PDXDC1: variants seen among roughly 807,000 people sequenced by gnomAD.
The protein encoded by PDXDC1 is pyridoxal-dependent decarboxylase domain-containing protein 1.
Under a neutral mutation model 100.1 loss-of-function variants are expected in PDXDC1, and 42 were observed. The observed-to-expected ratio is 0.42, with a 90% CI of 0.33 to 0.54. The LOEUF (loss-of-function observed/expected upper bound fraction) is 0.54, where lower values mean the gene tolerates loss of function less well. PDXDC1 is among the 20% of genes least tolerant of loss of function. The pLI is 0.10. For missense variants in PDXDC1, 636 were observed against 979.2 expected, an observed-to-expected ratio of 0.65 and a Z score of 4.68; for synonymous variants, 260 against 371.7, an observed-to-expected ratio of 0.70 and a Z score of 3.46.
At chr16:15,047,848 A>G in intron 16 of PDXDC1, 1 of 1,608,812 alleles carries the variant, frequency 6.2e-7, no homozygotes, top group Non-Finnish European at 8.5e-7. Flanking sequence ...CACCTCTCTC[A>G]TCATACCTGT....
intron 16 of PDXDC1, chr16:15,076,718 G>C: frequency 8.9e-7 from 1 of 1,123,688 alleles, no homozygotes; most frequent in Non-Finnish European, 1.3e-6. Flanking sequence ...TTTTGGGATG[G>C]AAATTCATCT....
At chr16:15,064,440 G>A (rs2044866466) in intron 16 of PDXDC1, among the ~76,000 whole-genome samples, 1 of 152,144 alleles carries the variant, frequency 6.6e-6, no homozygotes, top group Admixed American at 6.5e-5. Flanking sequence ...CTCCCAAAGT[G>A]CTGGGATTAC....
rs1353848311 is a variant in PDXDC1 at position 15,037,589 on chromosome 16, T to TTA, written c.*1322_*1323dup. ...TCACCTTCAAGAAAATTACATGTTT[T>TTA]TATATATATTTGGAATTGTTAAATT... On this transcript the variant is annotated 3_prime_UTR_variant, in exon 23 of 23. Transcript: ENST00000396410. 1.3e-5 allele frequency: 2 copies of TTA among 154,146 alleles called. No individual in the cohort carries two copies. Among genetic ancestry groups the TTA allele is most frequent in the East Asian group, 1.9e-4 (1 of 5,224 alleles). 9.5% of individuals were successfully genotyped at this position (154,146 alleles called of 1,614,324 possible).
intron 16 of PDXDC1, chr16:15,094,402 C>G (rs2046275174): frequency 1.6e-6 from 1 of 643,204 alleles, no homozygotes; most frequent in Non-Finnish European, 2.7e-6. Flanking sequence ...GAAACCCGCT[C>G]CTCGTTCTAC....
intron 16 of PDXDC1, among the ~76,000 whole-genome samples, chr16:15,126,232 C>T (rs2047718549): frequency 6.7e-6 from 1 of 148,640 alleles, no homozygotes; most frequent in Non-Finnish European, 1.5e-5. Flanking sequence ...GACGGGGTTT[C>T]ACTGTGTTGG....
intron 5 of PDXDC1, 132 bp downstream of exon 5, chr16:15,004,465 C>G (rs532073873): frequency 9.2e-7 from 1 of 1,082,410 alleles, no homozygotes; most frequent in African/African-American, 1.6e-5. Flanking sequence ...CTCTCAATGC[C>G]TGTTTCATCA....
At chr16:14,990,200 C>T (rs1197989432) in intron 1 of PDXDC1, 57 of 1,102,314 alleles carry the variant, frequency 5.2e-5, no homozygotes, top group Non-Finnish European at 5.8e-5. Context: ...GGGCGGCCGC[C>T]GGGCCCGCCG....
At chr16:15,078,495 G>C (rs1278145827) in intron 16 of PDXDC1, among the ~76,000 whole-genome samples, 3 of 152,056 alleles carry the variant, frequency 2.0e-5, no homozygotes, top group Admixed American at 2.0e-4. Flanking sequence ...AAGCAACAAA[G>C]ACTACCTTCT....
chr16:15,056,265 C>A (rs1448316523), intron 16 of PDXDC1, among the ~76,000 whole-genome samples: 1 of 152,244 alleles, frequency 6.6e-6, no homozygotes, highest in Non-Finnish European at 1.5e-5. Context: ...GAAGTGTAGT[C>A]CCAAAAGCGT....
intron 16 of PDXDC1, chr16:15,130,479 G>A (rs746650094): frequency 2.8e-5 from 39 of 1,386,232 alleles, no homozygotes; most frequent in Admixed American, 1.3e-4. Context: ...GGCAGTGGAC[G>A]TGAGCCCAGG....
At chr16:15,069,530 T>A (rs2045131979) in intron 16 of PDXDC1, among the ~76,000 whole-genome samples, 1 of 152,176 alleles carries the variant, frequency 6.6e-6, no homozygotes, top group African/African-American at 2.4e-5. Flanking sequence ...AGCAAAACAA[T>A]ACTGGTCAAT....
intron 1 of PDXDC1, among the ~76,000 whole-genome samples, chr16:14,981,641 G>A (rs1308421364): frequency 1.3e-5 from 2 of 152,276 alleles, no homozygotes; most frequent in African/African-American, 4.8e-5. Context: ...TGACACTGCA[G>A]TAGTGGTCTC....
chr16:15,045,697 CTT>C (rs979245146), intron 16 of PDXDC1: 21 of 152,386 alleles, frequency 1.4e-4, no homozygotes, highest in African/African-American at 5.1e-4. Context: ...CAGTGAAGCT[CTT>C]GAGAAGTCCT....
At chr16:15,022,657 T>C in intron 12 of PDXDC1, 47 bp from the exon 13 acceptor site, 13 of 1,580,898 alleles carry the variant, frequency 8.2e-6, no homozygotes, top group Non-Finnish European at 1.1e-5. Flanking sequence ...CACTTCTTCA[T>C]GTCCCACGTC....
intron 16 of PDXDC1, among the ~76,000 whole-genome samples, chr16:15,059,849 G>C (rs763418870): frequency 6.6e-6 from 1 of 151,998 alleles, no homozygotes; most frequent in Non-Finnish European, 1.5e-5. Context: ...GAGAGTCGCG[G>C]ATACTTCATA....
At position 15,063,292 on chromosome 16, in the gene PDXDC1, A is replaced by G. The variant is rs1388726987; in HGVS notation, c.1399+33236A>G. On this transcript the variant is annotated intron_variant, in intron 16 of 16. Transcript: ENST00000535621. ...CAATGAATTTCTTTGACCTGTCAACAAAGATCACATTTCAAAGTCAAGTTA... is the reference window on the plus strand; with the variant it reads ...CAATGAATTTCTTTGACCTGTCAACGAAGATCACATTTCAAAGTCAAGTTA... 1.9e-6 allele frequency: 3 copies of G among 1,600,588 alleles called. No homozygotes were observed. The Admixed American group carries it at 5.0e-5, about 27-fold the overall frequency.
intron 12 of PDXDC1, among the ~76,000 whole-genome samples, chr16:15,021,009 C>CAG (rs2042160537): frequency 2.0e-5 from 3 of 152,302 alleles, no homozygotes; most frequent in East Asian, 3.9e-4. Context: ...CACACACACA[C>CAG]ACGAAAAGTA....
At chr16:15,123,295 T>C (rs1369498763) in intron 16 of PDXDC1, 136 of 1,463,134 alleles carry the variant, frequency 9.3e-5, no homozygotes, top group Middle Eastern at 2.4e-4. Flanking sequence ...ACAAACCTGA[T>C]TTCTGGTCCA....
chr16:15,078,995 T>G (rs144495321), intron 16 of PDXDC1, among the ~76,000 whole-genome samples: 2 of 152,006 alleles, frequency 1.3e-5, no homozygotes, highest in African/African-American at 4.8e-5. Context: ...GTATTTTTAG[T>G]GAGACAGAGT....
Sources: gnomAD v4.1 joint callset for allele counts (sites outside exome capture counted in the v4.1 genomes callset) on GRCh38, gnomAD v4.1.1 for gene constraint, MANE v1.5 for transcripts, NCBI Gene and HGNC (gene_info 2026-07-23, HGNC 2026-07-21) for gene names.